SIGLEC9: variants seen among roughly 807,000 people sequenced by gnomAD.
SIGLEC9 encodes the protein sialic acid binding Ig like lectin 9, also known as sialic acid-binding Ig-like lectin 9.
Under a neutral mutation model 38.3 loss-of-function variants are expected in SIGLEC9, and 26 were observed. The ratio of observed to expected loss-of-function variants is 0.68; its 90% CI spans 0.50 to 0.94. The LOEUF (loss-of-function observed/expected upper bound fraction) is 0.94, where lower values mean the gene tolerates loss of function less well. SIGLEC9 is among the 40% of genes least tolerant of loss of function. The pLI is 0.00. For missense variants in SIGLEC9, 556 were observed against 585.7 expected, an observed-to-expected ratio of 0.95 and a Z score of 0.52; for synonymous variants, 236 against 248.0, an observed-to-expected ratio of 0.95 and a Z score of 0.45.
intron 5 of SIGLEC9, 54 bp downstream of exon 5, chr19:51,128,093 T>TG: frequency 7.0e-7 from 1 of 1,423,260 alleles, no homozygotes; most frequent in Non-Finnish European, 9.9e-7. Flanking sequence ...GAGGACAGGC[T>TG]GGAAGCTGGA....
Position 51,126,089 on chromosome 19 carries a change from C to G in SIGLEC9, c.709C>G (p.Gln237Glu). 6.2e-7 allele frequency: 1 copy of G among 1,614,094 alleles called. No homozygotes were observed. Among genetic ancestry groups the G allele is most frequent in the South Asian group, 1.1e-5 (1 of 91,082 alleles). Reference protein sequence around the residue: ...TVHLNVSYPPQNLTMTVFQGD... With the variant: ...TVHLNVSYPPENLTMTVFQGD... ...ATGTCTTTCTGTCCCAGACCCGCCT[C>G]AGAACTTGACCATGACTGTCTTCCA... is the stretch of plus-strand genomic sequence containing the variant. Residue 237 changes from glutamine to glutamate, a missense_variant, in exon 3 of 7, where the codon CAG becomes GAG. By Grantham distance (29) the Gln-to-Glu change is conservative. Coordinates refer to ENST00000250360, the MANE Select transcript of SIGLEC9 (RefSeq NM_014441.3).
chr19:51,126,401 T>C (rs1249349633), intron 3 of SIGLEC9, among the ~76,000 whole-genome samples: 1 of 151,744 alleles, frequency 6.6e-6, no homozygotes, highest in Non-Finnish European at 1.5e-5. Flanking sequence ...TTCTCATGTA[T>C]CTCCTGAATA....
In SIGLEC9 at chr19:51,125,707, A is replaced by T. The variant is rs1268594087; in HGVS notation, c.532A>T (p.Ile178Phe). ...CTGTGAGCAGGGGACACCCCCTATGATCTCCTGGATAGGGACCTCCGTGTC... is the reference window on the plus strand; with the variant it reads ...CTGTGAGCAGGGGACACCCCCTATGTTCTCCTGGATAGGGACCTCCGTGTC... ...WACEQGTPPMISWIGTSVSPL... is the reference protein window; with the variant it reads ...WACEQGTPPMFSWIGTSVSPL... The change falls in exon 2 of 7, where the codon ATC (isoleucine) becomes TTC (phenylalanine). Residue 178 changes from isoleucine to phenylalanine, a missense_variant. Coordinates refer to ENST00000250360, the MANE Select transcript of SIGLEC9 (RefSeq NM_014441.3). The T allele has an allele frequency of 6.2e-7, 1 of 1,613,710 alleles. No individual in the cohort carries two copies. Among genetic ancestry groups the T allele is most frequent in the Non-Finnish European group, 8.5e-7 (1 of 1,179,934 alleles).
Position 51,124,962 on chromosome 19 carries a change from T to G in SIGLEC9, c.-13T>G, listed in dbSNP as rs1249576807. 1 of 1,593,260 alleles carries G rather than the reference T, an allele frequency of 6.3e-7. No homozygotes were observed. Among genetic ancestry groups the G allele is most frequent in the African/African-American group, 1.3e-5 (1 of 74,746 alleles). On this transcript the variant is annotated 5_prime_UTR_variant, in exon 1 of 7. Transcript: ENST00000250360. ...GACGTTCCCTCGCGGCCCTGGCACCTCTAACCCCAGACATGCTGCTGCTGC... is the reference window on the plus strand; with the variant it reads ...GACGTTCCCTCGCGGCCCTGGCACCGCTAACCCCAGACATGCTGCTGCTGC...
Position 51,126,327 on chromosome 19 carries a change from C to G in SIGLEC9, c.748+199C>G, listed in dbSNP as rs545015196. ...CCTCCCTTGGACTCCCCCACACACCCCCCCCTCAGCCTCAAACAAGAAGAG... is the reference window on the plus strand; with the variant it reads ...CCTCCCTTGGACTCCCCCACACACCGCCCCCTCAGCCTCAAACAAGAAGAG... On this transcript the variant is annotated intron_variant, in intron 3 of 6. Transcript: ENST00000250360. 3.9e-5 allele frequency among the ~76,000 whole-genome samples: 6 copies of G among 152,018 alleles called. No individual in the cohort carries two copies. The East Asian group carries it at 7.7e-4, about 20-fold the overall frequency.
At chr19:51,131,738 A>G (rs2122858424), downstream of SIGLEC9, among the ~76,000 whole-genome samples, 2 of 151,800 alleles carry the variant, frequency 1.3e-5, no homozygotes, top group South Asian at 4.2e-4. Flanking sequence ...CAACATGGTG[A>G]AACCCCATGT....
In SIGLEC9 at chr19:51,125,576, GAGTCCCCCTCTCTTCACCA is replaced by G; in HGVS notation, c.422-20_422-2del. The G allele has an allele frequency of 6.2e-7, 1 of 1,607,168 alleles. No individual in the cohort carries two copies. The highest frequency in any genetic ancestry group is 8.5e-7 in the Non-Finnish European group (1 of 1,179,578). On this transcript the variant is annotated splice_acceptor_variant and splice_polypyrimidine_tract_variant and intron_variant, in intron 1 of 6. Coordinates refer to ENST00000250360, the MANE Select transcript of SIGLEC9 (RefSeq NM_014441.3). LOFTEE classifies it high-confidence loss of function. ...ACCATGGATCCTCTGACCTGATCCT[GAGTCCCCCTCTCTTCACCA>G]GCCTTGACCCACAGGCCCAACATCC...
At chr19:51,131,613 A>G (rs546766323), downstream of SIGLEC9, among the ~76,000 whole-genome samples, 20 of 149,506 alleles carry the variant, frequency 1.3e-4, no homozygotes, top group South Asian at 4.2e-4. Context: ...AAATAAATAA[A>G]TAAGTAAAAA....
chr19:51,122,407 C>T (rs534882446), upstream of SIGLEC9, among the ~76,000 whole-genome samples: 1 of 152,202 alleles, frequency 6.6e-6, no homozygotes, highest in Non-Finnish European at 1.5e-5. The surrounding 1 kb of genome is among the most constrained non-coding windows in gnomAD (Gnocchi z 4.1). Flanking sequence ...ATGGTGAAAT[C>T]CCGTCTCTAC....
rs1051332892 is a variant in SIGLEC9 at position 51,130,279 on chromosome 19, A to T, written c.*200A>T. The T allele has an allele frequency of 9.2e-6, 10 of 1,081,764 alleles. No homozygotes were observed. Among genetic ancestry groups the T allele is most frequent in the Non-Finnish European group, 1.2e-5 (10 of 833,906 alleles). 67.0% of individuals were successfully genotyped at this position (1,081,764 alleles called of 1,614,324 possible). On this transcript the variant is annotated 3_prime_UTR_variant, in exon 7 of 7. Transcript: ENST00000250360. ...GAATCCACACTGTGCCCTCCCTTTT[A>T]TTTTTTTAACTAAAAGACAGACAAA...
At chr19:51,122,564 G>C (rs903053249), upstream of SIGLEC9, 7 of 137,292 alleles carry the variant, frequency 5.1e-5, no homozygotes, top group Non-Finnish European at 9.2e-5. This position sits in a 1 kb window ranked among gnomAD's most constrained non-coding sequence, Gnocchi z 4.1. Flanking sequence ...CTGGGTGACA[G>C]AGCAAGACTC....
rs2092007868 is a variant in SIGLEC9 at position 51,130,186 on chromosome 19, T to C, written c.*107T>C. On this transcript the variant is annotated 3_prime_UTR_variant, in exon 7 of 7. Coordinates refer to ENST00000250360, the MANE Select transcript of SIGLEC9 (RefSeq NM_014441.3). ...TAACAGCCCTCAACGTGATGAGCTA[T>C]GATAACACTATGAATTATGTGCAGA... The C allele has an allele frequency of 6.8e-7, 1 of 1,469,628 alleles. No individual in the cohort carries two copies. Among genetic ancestry groups the C allele is most frequent in the Non-Finnish European group, 9.0e-7 (1 of 1,113,126 alleles). 91.0% of individuals were successfully genotyped at this position (1,469,628 alleles called of 1,614,324 possible).
intron 5 of SIGLEC9, 112 bp downstream of exon 5, chr19:51,128,151 G>T: frequency 1.1e-6 from 1 of 900,792 alleles, no homozygotes; most frequent in Non-Finnish European, 1.8e-6. Flanking sequence ...AGAGCTTGGG[G>T]CAAGAAGGAG....
Position 51,125,032 on chromosome 19 carries a change from A to G in SIGLEC9, c.58A>G (p.Ser20Gly), listed in dbSNP as rs1351126830. Residue 20 changes from serine to glycine, a missense_variant, in exon 1 of 7, where the codon AGT becomes GGT. Transcript: ENST00000250360. ...WGRERAEGQT[S>G]KLLTMQSSVT... ...GAGGGAGAGGGCGGAAGGACAGACA[A>G]GTAAACTGCTGACGATGCAGAGTTC... The G allele has an allele frequency of 1.2e-6, 2 of 1,613,850 alleles. No homozygotes were observed. The highest frequency in any genetic ancestry group is 8.5e-7 in the Non-Finnish European group (1 of 1,179,796).
chr19:51,132,987 ACAT>A (rs1409994892), downstream of SIGLEC9, among the ~76,000 whole-genome samples: 1 of 151,750 alleles, frequency 6.6e-6, no homozygotes, highest in African/African-American at 2.4e-5. Context: ...ATATGTATGT[ACAT>A]AAGTATAGAT....
upstream of SIGLEC9, among the ~76,000 whole-genome samples, chr19:51,121,918 C>T (rs2091950965): frequency 6.6e-6 from 1 of 151,898 alleles, no homozygotes; most frequent in African/African-American, 2.4e-5. Context: ...GTTCCATGCC[C>T]CTCCCCAGCC....
intron 5 of SIGLEC9, 76 bp downstream of exon 5, chr19:51,128,115 A>C (rs558421337): frequency 1.8e-5 from 22 of 1,218,598 alleles, no homozygotes; most frequent in Non-Finnish European, 2.5e-5. Flanking sequence ...CCCTGAAGCC[A>C]GAGCTGGAGG....
chr19:51,129,536 T>G (rs757795952), intron 6 of SIGLEC9, among the ~76,000 whole-genome samples: 1 of 151,826 alleles, frequency 6.6e-6, no homozygotes, highest in Non-Finnish European at 1.5e-5. Flanking sequence ...TTGCCTCAAG[T>G]GCATTTTTTC....
chr19:51,132,421 A>T (rs1338467009), downstream of SIGLEC9, among the ~76,000 whole-genome samples: 1 of 152,156 alleles, frequency 6.6e-6, no homozygotes, highest in Non-Finnish European at 1.5e-5. Context: ...TGTGCATGAG[A>T]TTGAAACTCC....
Sources: gnomAD v4.1 joint callset for allele counts (sites outside exome capture counted in the v4.1 genomes callset) on GRCh38, gnomAD v4.1.1 for gene constraint, Gnocchi (gnomAD v3.1) non-coding constraint, MANE v1.5 for transcripts, NCBI Gene and HGNC (gene_info 2026-07-23, HGNC 2026-07-21) for gene names.